The following NCOA3 variants were observed in gnomAD, a reference collection of about 807,000 sequenced individuals.
NCOA3 encodes nuclear receptor coactivator 3.
In NCOA3, 51 loss-of-function variants were observed where a neutral mutation model predicts 158.8. The observed-to-expected ratio is 0.32, with a 90% CI of 0.26 to 0.41. The LOEUF is 0.41. Ranked by LOEUF, NCOA3 falls within the 10% of genes least tolerant of loss-of-function variation. NCOA3 has a pLI of 1.00. For synonymous variants in NCOA3, 537 were observed against 592.4 expected (o/e 0.91, Z 1.36); for missense variants, 1,510 against 1,746.6 (o/e 0.86, Z 2.41).
intron 2 of NCOA3, among the ~76,000 whole-genome samples, chr20:47,588,246 T>C (rs965073604): frequency 6.7e-6 from 1 of 150,358 alleles, no homozygotes; most frequent in Non-Finnish European, 1.5e-5. Flanking sequence ...GGGATTCTTC[T>C]GCCTCAGCCT....
intron 2 of NCOA3, among the ~76,000 whole-genome samples, chr20:47,608,441 C>CAAGG (rs2085985369): frequency 6.6e-6 from 1 of 151,752 alleles, no homozygotes; most frequent in Admixed American, 6.6e-5. Context: ...AGTTGGAGAC[C>CAAGG]AGCCTGGGAA....
intron 1 of NCOA3, among the ~76,000 whole-genome samples, chr20:47,516,478 A>G (rs886209821): frequency 2.6e-5 from 4 of 152,224 alleles, no homozygotes; most frequent in African/African-American, 9.6e-5. Flanking sequence ...GGTCTAGACT[A>G]TCAAGCAACT....
intron 1 of NCOA3, among the ~76,000 whole-genome samples, chr20:47,511,833 A>G (rs992487053): frequency 9.9e-5 from 15 of 151,984 alleles, no homozygotes; most frequent in African/African-American, 3.6e-4. Flanking sequence ...ACTATGCTAC[A>G]CATGGACATA....
intron 2 of NCOA3, among the ~76,000 whole-genome samples, chr20:47,598,856 A>G (rs946531004): frequency 1.3e-5 from 2 of 152,228 alleles, no homozygotes; most frequent in Admixed American, 1.3e-4. Flanking sequence ...GTAGCATATA[A>G]CAATGTTTCA....
At chr20:47,613,496 GA>G (rs11086218) in intron 2 of NCOA3, among the ~76,000 whole-genome samples, 19,521 of 129,330 alleles carry the variant, frequency 0.15, 1,778 homozygotes, top group African/African-American at 0.28. Flanking sequence ...GAATTAAATT[GA>G]AAAAAAAAAA....
At position 47,635,868 on chromosome 20, in the gene NCOA3, CCTAAATTTTTTTT is replaced by C. The variant is rs1485731331; in HGVS notation, c.1505-21_1505-9del. 1 of 1,569,494 alleles carries C rather than the reference CCTAAATTTTTTTT, an allele frequency of 6.4e-7. No individual in the cohort carries two copies. The highest frequency in any genetic ancestry group is 8.6e-7 in the Non-Finnish European group (1 of 1,161,638). ...CAGTGTCTGGTAGTCTAATTCTTTT[CCTAAATTTTTTTT>C]CAAATTCAGGTGTGCACTCTCCCAT... is the stretch of plus-strand genomic sequence containing the variant. On this transcript the variant is annotated splice_polypyrimidine_tract_variant and intron_variant, in intron 11 of 22. Coordinates refer to ENST00000371998, the MANE Select transcript of NCOA3 (RefSeq NM_181659.3).
At position 47,639,612 on chromosome 20, in the gene NCOA3, C is replaced by T; in HGVS notation, c.2743C>T (p.Pro915Ser). Residue 915 changes from proline (P) to serine (S), a missense_variant, in exon 15 of 23, where the codon CCT becomes TCT. Physicochemically the swap from Pro to Ser is moderately conservative, Grantham distance 74. Around this residue, in one of 4 missense-constraint regions of NCOA3, gnomAD observed 1,017 missense variants for 1,098.3 expected, o/e 0.93. Coordinates refer to ENST00000371998, the MANE Select transcript of NCOA3 (RefSeq NM_181659.3). Reference protein sequence around the residue: ...PNRNVTVTQTPSSGDWGLPNS... With the variant: ...PNRNVTVTQTSSSGDWGLPNS... ...CCGAAATGTGACTGTGACTCAGACT[C>T]CTTCCTCAGGAGACTGGGGCTTACC... 3 of 1,613,786 alleles carry T rather than the reference C, an allele frequency of 1.9e-6. No individual in the cohort carries two copies. The highest frequency in any genetic ancestry group is 2.5e-6 in the Non-Finnish European group (3 of 1,179,854).
At chr20:47,591,730 T>G (rs1419282142) in intron 2 of NCOA3, among the ~76,000 whole-genome samples, 10 of 151,390 alleles carry the variant, frequency 6.6e-5, no homozygotes, top group African/African-American at 1.9e-4. Context: ...TTCTGTGGTG[T>G]TGTAACCTCC....
At chr20:47,583,073 C>T (rs563675080) in intron 1 of NCOA3, 110 bp from the exon 2 acceptor site, 13 of 394,082 alleles carry the variant, frequency 3.3e-5, no homozygotes, top group Middle Eastern at 6.4e-4. Flanking sequence ...GGATTACAGG[C>T]GTGAGCCACC....
intron 1 of NCOA3, among the ~76,000 whole-genome samples, chr20:47,515,407 C>T (rs559414234): frequency 1.3e-5 from 2 of 151,788 alleles, no homozygotes; most frequent in Admixed American, 6.6e-5. Flanking sequence ...CCCCCTCGGC[C>T]TCCCAAAGTC....
At chr20:47,626,661 T>C (rs549446463) in intron 5 of NCOA3, among the ~76,000 whole-genome samples, 1 of 152,338 alleles carries the variant, frequency 6.6e-6, no homozygotes, top group East Asian at 1.9e-4. Flanking sequence ...ACCACAGACT[T>C]GGTAGGTGAA....
intron 18 of NCOA3, among the ~76,000 whole-genome samples, chr20:47,648,489 T>C (rs928135625): frequency 2.0e-4 from 30 of 152,008 alleles, no homozygotes; most frequent in African/African-American, 7.0e-4. Context: ...TATTTATTTA[T>C]TATTATTTTT....
chr20:47,616,339 A>G (rs1011017403), intron 2 of NCOA3, among the ~76,000 whole-genome samples: 2 of 151,428 alleles, frequency 1.3e-5, no homozygotes, highest in African/African-American at 2.4e-5. Context: ...GATTACAGGC[A>G]TGTGTCACCA....
chr20:47,590,386 T>C (rs2085609853), intron 2 of NCOA3, among the ~76,000 whole-genome samples: 1 of 152,170 alleles, frequency 6.6e-6, no homozygotes, highest in South Asian at 2.1e-4. Context: ...AGTGGTATGA[T>C]TGTGGCTCAT....
intron 1 of NCOA3, among the ~76,000 whole-genome samples, chr20:47,546,527 G>GTTTT (rs35925841): frequency 2.5e-5 from 3 of 120,274 alleles, no homozygotes; most frequent in East Asian, 2.4e-4. Flanking sequence ...ACTTGCCTCT[G>GTTTT]TTTTTTTTTT....
intron 1 of NCOA3, among the ~76,000 whole-genome samples, chr20:47,578,765 C>T (rs1009314160): frequency 1.3e-5 from 2 of 152,180 alleles, no homozygotes; most frequent in African/African-American, 2.4e-5. Context: ...CAACAGCTAG[C>T]TTTTCCCAGT....
chr20:47,591,586 G>T (rs1014167842), intron 2 of NCOA3, among the ~76,000 whole-genome samples: 5 of 152,116 alleles, frequency 3.3e-5, no homozygotes, highest in African/African-American at 1.2e-4. Context: ...TTCATTTCCA[G>T]AATTGTTTAT....
At chr20:47,566,037 G>T (rs140376270) in intron 1 of NCOA3, among the ~76,000 whole-genome samples, 1 of 151,480 alleles carries the variant, frequency 6.6e-6, no homozygotes, top group Non-Finnish European at 1.5e-5. Context: ...GCAGTCGCAC[G>T]ATCTTGGCTC....
intron 1 of NCOA3, among the ~76,000 whole-genome samples, chr20:47,524,927 T>A (rs1371987889): frequency 1.3e-5 from 2 of 152,088 alleles, no homozygotes; most frequent in Non-Finnish European, 2.9e-5. Context: ...TTTATTTATT[T>A]ATTTATTTTT....
Sources: gnomAD v4.1 joint callset for allele counts (sites outside exome capture counted in the v4.1 genomes callset) on GRCh38, gnomAD v4.1.1 for gene constraint, gnomAD v4.1.1 regional missense constraint, MANE v1.5 for transcripts, NCBI Gene and HGNC (gene_info 2026-07-23, HGNC 2026-07-21) for gene names.